PALM3: variants seen among roughly 807,000 people sequenced by gnomAD.
PALM3 encodes paralemmin-3.
A neutral mutation model predicts 27.9 loss-of-function variants in PALM3; 20 were observed. The observed-to-expected ratio is 0.72, with a 90% CI of 0.50 to 1.04. The LOEUF (loss-of-function observed/expected upper bound fraction) is 1.04, where lower values mean the gene tolerates loss of function less well. PALM3 is among the 50% of genes least tolerant of loss of function. The pLI is 0.00. For missense variants in PALM3, 814 were observed against 869.4 expected, an observed-to-expected ratio of 0.94 and a Z score of 0.80; for synonymous variants, 328 against 352.7, an observed-to-expected ratio of 0.93 and a Z score of 0.79.
At chr19:14,056,921 G>T in intron 3 of PALM3, 117 bp from the exon 4 acceptor site, 1 of 931,966 alleles carries the variant, frequency 1.1e-6, no homozygotes. Flanking sequence ...AACCAGTTGC[G>T]ACATACATCA....
intron 3 of PALM3, 143 bp downstream of exon 3, chr19:14,057,208 C>T (rs1407971127): frequency 1.6e-6 from 1 of 624,576 alleles, no homozygotes; most frequent in Non-Finnish European, 2.7e-6. Flanking sequence ...TACCCCGCCC[C>T]GGCCAAGCTG....
intron 6 of PALM3, 27 bp from the exon 7 acceptor site, chr19:14,055,253 A>AGAACAAAAGGGAAGACAGGGTTAAGATG (rs1568507540): frequency 1.3e-6 from 2 of 1,510,432 alleles, no homozygotes; most frequent in African/African-American, 2.9e-5. Context: ...TGGAGGGGAG[A>AGAACAAAAGGGAAGACAGGGTTAAGATG]GGACAAAAGG....
Position 14,056,692 on chromosome 19 carries a change from C to T in PALM3, c.284G>A (p.Arg95Gln), listed in dbSNP as rs768467960. The T allele has an allele frequency of 3.2e-6, 5 of 1,551,610 alleles. No individual in the cohort carries two copies. In the African/African-American group the frequency reaches 4.1e-5, roughly 13 times the overall value. Reference sequence around the variant, plus strand: ...CAAACTGTCTTCCAGGTTCCGGATTCGGGCCTGAGCCTGGCCCTCGGGTGA... The same window carrying T: ...CAAACTGTCTTCCAGGTTCCGGATTTGGGCCTGAGCCTGGCCCTCGGGTGA... ...PQSPEGQAQA[R>Q]IRNLEDSLFT... is the part of the protein sequence containing the mutation. Residue 95 changes from arginine (R) to glutamine (Q), a missense_variant, in exon 4 of 7, where the codon CGA becomes CAA. By Grantham distance (43) the Arg-to-Gln change is conservative. Coordinates refer to ENST00000669674, the MANE Select transcript of PALM3 (RefSeq NM_001145028.2).
At chr19:14,057,862 C>T (rs907876818) in intron 2 of PALM3, among the ~76,000 whole-genome samples, 2 of 152,116 alleles carry the variant, frequency 1.3e-5, no homozygotes, top group African/African-American at 4.8e-5. Flanking sequence ...AATCCCAGGA[C>T]TTTGGGAGAC....
intron 2 of PALM3, among the ~76,000 whole-genome samples, chr19:14,058,638 G>A (rs1388845723): frequency 6.6e-6 from 1 of 151,816 alleles, no homozygotes; most frequent in Non-Finnish European, 1.5e-5. Flanking sequence ...ATGTAAGTGC[G>A]TGCGGAAAGT....
rs1484465240 is a variant in PALM3, at chr19:14,056,422, C to T, written c.399+7G>A. 2 of 1,548,520 alleles carry T rather than the reference C, an allele frequency of 1.3e-6. No homozygotes were observed. The highest frequency in any genetic ancestry group is 8.7e-7 in the Non-Finnish European group (1 of 1,144,366). On this transcript the variant is annotated splice_region_variant and intron_variant, in intron 5 of 6. Coordinates refer to ENST00000669674, the MANE Select transcript of PALM3 (RefSeq NM_001145028.2). ...CTCCCATCCCACTCCCCTGATTCCCCCCTCACCTGTCTGCGCCAGCTGGGC... is the reference window on the plus strand; with the variant it reads ...CTCCCATCCCACTCCCCTGATTCCCTCCTCACCTGTCTGCGCCAGCTGGGC...
At chr19:14,061,086 C>G (rs1976406342) in intron 1 of PALM3, among the ~76,000 whole-genome samples, 1 of 152,172 alleles carries the variant, frequency 6.6e-6, no homozygotes, top group Non-Finnish European at 1.5e-5. Context: ...GCAAGATATC[C>G]CAAAGGAAGC....
At chr19:14,061,756 C>T (rs1371475161) in intron 1 of PALM3, among the ~76,000 whole-genome samples, 184 bp downstream of exon 1, 3 of 152,092 alleles carry the variant, frequency 2.0e-5, no homozygotes, top group African/African-American at 7.2e-5. Context: ...TCTCTCCCAC[C>T]CCTTGACTCT....
chr19:14,054,165 C>T lies in PALM3; in HGVS notation c.1507G>A (p.Val503Ile), dbSNP rs372670840. Residue 503 changes from valine (V) to isoleucine (I), a missense_variant, in exon 7 of 7, where the codon GTA becomes ATA. Transcript: ENST00000669674. ...EEEEVEEPLG[V>I]EKKGGEEEPE... ...TCTTCCTCACCTCCTTTCTTCTCTACTCCCAATGGTTCTTCTACCTCCTCC... is the reference window on the plus strand; with the variant it reads ...TCTTCCTCACCTCCTTTCTTCTCTATTCCCAATGGTTCTTCTACCTCCTCC... 2.4e-5 allele frequency: 37 copies of T among 1,551,742 alleles called. No individual in the cohort carries two copies. The highest frequency in any genetic ancestry group is 3.1e-5 in the Non-Finnish European group (35 of 1,147,050).
chr19:14,056,319 G>T, intron 5 of PALM3, 110 bp downstream of exon 5: 2 of 1,090,832 alleles, frequency 1.8e-6, no homozygotes, highest in Non-Finnish European at 2.7e-6. Context: ...TCTGAATGCA[G>T]ACCTAGTGGC....
chr19:14,056,741 C>G lies in PALM3; in HGVS notation c.235G>C (p.Asp79His). The change falls in exon 4 of 7, where the codon GAC (aspartate) becomes CAC (histidine). Residue 79 changes from aspartate to histidine, a missense_variant. Physicochemically the swap from Asp to His is moderately conservative, Grantham distance 81. Transcript: ENST00000669674. ...GACTGGGGGTCCTTCGAGGTGGGGT[C>G]TTCGGATGGCTCTGGCACTGCAGCT... ...GAAAVPEPSE[D>H]PTSKDPQSPE... 6.4e-7 allele frequency: 1 copy of G among 1,551,702 alleles called. No homozygotes were observed. The highest frequency in any genetic ancestry group is 8.7e-7 in the Non-Finnish European group (1 of 1,146,992).
intron 1 of PALM3, among the ~76,000 whole-genome samples, chr19:14,059,612 A>G (rs1421493524): frequency 6.6e-6 from 1 of 152,080 alleles, no homozygotes; most frequent in Non-Finnish European, 1.5e-5. Flanking sequence ...CTCCAGTCCA[A>G]CCTGCAGAAA....
chr19:14,057,451 A>T lies in PALM3; in HGVS notation c.91-20T>A. On this transcript the variant is annotated intron_variant, in intron 2 of 6. Coordinates refer to ENST00000669674, the MANE Select transcript of PALM3 (RefSeq NM_001145028.2). ...CTTCTCCTGCGCACAGAGGACCCGG[A>T]GCTGCCCGCCGGCCGGGCGCGGCCT... The T allele has an allele frequency of 6.6e-7, 1 of 1,511,164 alleles. No homozygotes were observed. Among genetic ancestry groups the T allele is most frequent in the Non-Finnish European group, 8.9e-7 (1 of 1,128,538 alleles). The allele number at this position is 1,511,164 out of a possible 1,614,324, so 93.6% of individuals were successfully genotyped here.
intron 5 of PALM3, among the ~76,000 whole-genome samples, chr19:14,055,725 C>T (rs141589147): frequency 3.0e-4 from 45 of 152,284 alleles, no homozygotes; most frequent in African/African-American, 1.1e-3. Flanking sequence ...TTGTTTTTGG[C>T]ACTTACATTC....
chr19:14,059,094 C>G (rs1029514636), intron 2 of PALM3, 21 bp downstream of exon 2: 3 of 1,452,176 alleles, frequency 2.1e-6, no homozygotes, highest in Admixed American at 6.0e-5. Flanking sequence ...GTGCCCAGGG[C>G]GCGGGGAGGG....
In PALM3 at chr19:14,053,375, T is replaced by C; in HGVS notation, c.*230A>G. 2.0e-5 allele frequency: 9 copies of C among 446,720 alleles called. No homozygotes were observed. In the South Asian group the frequency reaches 4.3e-4, roughly 21 times the overall value. 27.7% of individuals were successfully genotyped at this position (446,720 alleles called of 1,614,324 possible). On this transcript the variant is annotated 3_prime_UTR_variant, in exon 7 of 7. Coordinates refer to ENST00000669674, the MANE Select transcript of PALM3 (RefSeq NM_001145028.2). ...CACACATTCAAGCCGTCTTGAGTGC[T>C]TTCACATTTTATTTTCAAGTATAAA...
In PALM3 at chr19:14,053,738, G is replaced by T; in HGVS notation, c.1934C>A (p.Pro645His). The T allele has an allele frequency of 2.6e-6, 4 of 1,531,248 alleles. No individual in the cohort carries two copies. The highest frequency in any genetic ancestry group is 3.5e-6 in the Non-Finnish European group (4 of 1,137,798). The allele number at this position is 1,531,248 out of a possible 1,614,324, so 94.9% of individuals were successfully genotyped here. A position where few individuals can be genotyped will look rare whatever the true frequency, so the allele number is the denominator to read the frequency against. ...AGGGTGGGCACTGGGGTTGGCGCTG[G>T]GCCCCTCCCCCTGAAGCAGTGGCTG... ...ECQPLLQGEGPSANPSAHPVP... is the reference protein window; with the variant it reads ...ECQPLLQGEGHSANPSAHPVP... Residue 645 changes from proline to histidine, a missense_variant, in exon 7 of 7, where the codon CCC becomes CAC. Coordinates refer to ENST00000669674, the MANE Select transcript of PALM3 (RefSeq NM_001145028.2).
At position 14,054,543 on chromosome 19, in the gene PALM3, C is replaced by T; in HGVS notation, c.1129G>A (p.Glu377Lys). ...TCCCTCCCTGCCACCTCGGGCCCTT[C>T]CAACCCCTCCACCAGCAGCTCCTCC... ...EWEELLVEGLEGPEVAGRERG... is the reference protein window; with the variant it reads ...EWEELLVEGLKGPEVAGRERG... The change falls in exon 7 of 7, where the codon GAA (glutamate) becomes AAA (lysine). Residue 377 changes from glutamate to lysine, a missense_variant. Transcript: ENST00000669674. 6.4e-7 allele frequency: 1 copy of T among 1,551,748 alleles called. No individual in the cohort carries two copies. The highest frequency in any genetic ancestry group is 8.7e-7 in the Non-Finnish European group (1 of 1,146,998).
chr19:14,056,535 T>G (rs1335042659), intron 4 of PALM3, 22 bp from the exon 5 acceptor site: 2 of 1,549,566 alleles, frequency 1.3e-6, no homozygotes, highest in Non-Finnish European at 1.7e-6. Context: ...AGAGGGCTGC[T>G]AGGAGCTGGG....
Sources: gnomAD v4.1 joint callset for allele counts (sites outside exome capture counted in the v4.1 genomes callset) on GRCh38, gnomAD v4.1.1 for gene constraint, MANE v1.5 for transcripts, NCBI Gene and HGNC (gene_info 2026-07-23, HGNC 2026-07-21) for gene names.